The following WWOX variants were observed in gnomAD, a reference collection of about 807,000 sequenced individuals.
WWOX encodes the protein WW domain-containing oxidoreductase.
A neutral mutation model predicts 46.2 loss-of-function variants in WWOX; 69 were observed. That is an observed-to-expected ratio of 1.49 (90% confidence interval 1.23 to 1.82). The LOEUF (loss-of-function observed/expected upper bound fraction) is 1.82. Among genes scored for constraint, WWOX ranks in the 40% most tolerant of loss-of-function variants. The pLI is 0.00. For synonymous variants in WWOX, 359 were observed against 202.6 expected (o/e 1.77, Z -6.56); for missense variants, 919 against 542.6 (o/e 1.69, Z -6.89).
At chr16:78,975,039 G>C (rs1386485597) in intron 8 of WWOX, among the ~76,000 whole-genome samples, 1 of 152,144 alleles carries the variant, frequency 6.6e-6, no homozygotes, top group Non-Finnish European at 1.5e-5. Flanking sequence ...GATGTGAAAA[G>C]GCCTTCACTA....
At chr16:78,676,898 A>T (rs2047612396) in intron 8 of WWOX, among the ~76,000 whole-genome samples, 1 of 152,164 alleles carries the variant, frequency 6.6e-6, no homozygotes, top group South Asian at 2.1e-4. Context: ...TACATTATTG[A>T]TAAGTTAATT....
chr16:78,322,153 A>C (rs1055338437), intron 5 of WWOX, among the ~76,000 whole-genome samples: 47 of 151,996 alleles, frequency 3.1e-4, no homozygotes, highest in African/African-American at 1.1e-3. Context: ...TGCCAGGGGG[A>C]TGGTTGGTGG....
intron 8 of WWOX, among the ~76,000 whole-genome samples, chr16:79,118,865 A>C (rs1053222455): frequency 6.6e-6 from 1 of 152,186 alleles, no homozygotes; most frequent in African/African-American, 2.4e-5. Flanking sequence ...TGCAATTCTT[A>C]GTGGTTGTGA....
intron 8 of WWOX, among the ~76,000 whole-genome samples, chr16:78,583,765 A>T (rs1383841119): frequency 2.0e-5 from 3 of 152,192 alleles, no homozygotes; most frequent in African/African-American, 7.2e-5. Flanking sequence ...TGACATGGAA[A>T]ATCAGGAGCC....
chr16:78,531,669 C>T (rs1201601186), intron 8 of WWOX, among the ~76,000 whole-genome samples: 3 of 151,888 alleles, frequency 2.0e-5, no homozygotes, highest in Admixed American at 6.6e-5. Flanking sequence ...ATGGTGAAAC[C>T]CTGTCTCTAC....
chr16:78,848,112 T>G (rs1374593181), intron 8 of WWOX, among the ~76,000 whole-genome samples: 1 of 152,086 alleles, frequency 6.6e-6, no homozygotes, highest in Non-Finnish European at 1.5e-5. Context: ...CACAGCCCAT[T>G]CGCGGACTCA....
intron 8 of WWOX, among the ~76,000 whole-genome samples, chr16:78,836,507 A>G (rs1026890783): frequency 6.6e-6 from 1 of 152,110 alleles, no homozygotes; most frequent in Non-Finnish European, 1.5e-5. Flanking sequence ...ATTTTCAGAC[A>G]CTTCTGCCCC....
At chr16:78,890,454 C>T (rs1038705677) in intron 8 of WWOX, 1 of 151,692 alleles carries the variant, frequency 6.6e-6, no homozygotes, top group African/African-American at 2.4e-5. Flanking sequence ...GACTGTTCCC[C>T]CAGCCCCAGT....
chr16:79,036,335 C>T (rs2047865884), intron 8 of WWOX, among the ~76,000 whole-genome samples: 1 of 152,238 alleles, frequency 6.6e-6, no homozygotes, highest in African/African-American at 2.4e-5. Flanking sequence ...ACTCATCACT[C>T]TTCCTGCATT....
intron 8 of WWOX, among the ~76,000 whole-genome samples, chr16:78,521,386 G>C (rs1303145632): frequency 6.6e-6 from 1 of 152,066 alleles, no homozygotes; most frequent in Admixed American, 6.6e-5. Flanking sequence ...GGGTGTGTGG[G>C]TGGGTGGTGA....
chr16:79,201,381 G>A (rs1378965656), intron 8 of WWOX, among the ~76,000 whole-genome samples: 1 of 149,858 alleles, frequency 6.7e-6, no homozygotes, highest in African/African-American at 2.5e-5. Context: ...AACTTACAGG[G>A]AATAAGATCT....
chr16:78,801,378 C>G (rs1310961341), intron 8 of WWOX, among the ~76,000 whole-genome samples: 1 of 152,066 alleles, frequency 6.6e-6, no homozygotes, highest in South Asian at 2.1e-4. Context: ...GGTGTGGTGG[C>G]ATGTGCTATA....
Position 78,816,359 on chromosome 16 carries a change from A to G in WWOX, c.1056+383607A>G, listed in dbSNP as rs192139340. Among the ~76,000 whole-genome samples, 16 of 152,276 alleles carry G rather than the reference A, an allele frequency of 1.1e-4. No individual in the cohort carries two copies. The East Asian group carries it at 3.1e-3, about 29-fold the overall frequency. ...GGACTCCAGATGTAACCTCATTGAT[A>G]GTCTTGGTGTGTTCTTCAGTATTTG... On this transcript the variant is annotated intron_variant, in intron 8 of 8. Coordinates refer to ENST00000566780, the MANE Select transcript of WWOX (RefSeq NM_016373.4).
intron 8 of WWOX, among the ~76,000 whole-genome samples, chr16:78,748,655 C>A (rs1029204797): frequency 1.3e-5 from 2 of 152,180 alleles, no homozygotes; most frequent in Non-Finnish European, 2.9e-5. Context: ...TAGGAATCAA[C>A]AAGGGAGATT....
In WWOX at chr16:79,180,722, CCTGT is replaced by C. The variant is rs200624242; in HGVS notation, c.1057-30883_1057-30880del. On this transcript the variant is annotated intron_variant, in intron 8 of 8. Coordinates refer to ENST00000566780, the MANE Select transcript of WWOX (RefSeq NM_016373.4). ...CATTTCTTCATTCCTTTCTTGTCTC[CCTGT>C]CTATCTGTCTGTGTATATCTATTCA... Among the ~76,000 whole-genome samples, 1,210 of 151,990 alleles carry C rather than the reference CCTGT, an allele frequency of 8.0e-3. 7 individuals are homozygous for C. Among genetic ancestry groups the C allele is most frequent in the Admixed American group, 0.011 (170 of 15,270 alleles).
chr16:78,725,788 C>T (rs572339339), intron 8 of WWOX, among the ~76,000 whole-genome samples: 8 of 152,116 alleles, frequency 5.3e-5, no homozygotes, highest in East Asian at 3.9e-4. Flanking sequence ...CTACTCCATG[C>T]CTTTGTCTTA....
chr16:78,560,742 G>C (rs1000361738), intron 8 of WWOX, among the ~76,000 whole-genome samples: 2 of 152,080 alleles, frequency 1.3e-5, no homozygotes, highest in Non-Finnish European at 2.9e-5. Flanking sequence ...AGCAGCTATG[G>C]TGATTGAGTT....
At chr16:78,767,504 G>GTA (rs2049952462) in intron 8 of WWOX, among the ~76,000 whole-genome samples, 1 of 151,688 alleles carries the variant, frequency 6.6e-6, no homozygotes, top group Non-Finnish European at 1.5e-5. Context: ...GTGTGTGTGT[G>GTA]TGTGTTTGAA....
intron 8 of WWOX, among the ~76,000 whole-genome samples, chr16:78,678,962 G>T (rs540274017): frequency 1.3e-5 from 2 of 152,278 alleles, no homozygotes; most frequent in East Asian, 1.9e-4. Flanking sequence ...CATCAGTTCA[G>T]CCTGGCCCTA....
Sources: allele counts gnomAD v4.1 joint callset (sites outside exome capture counted in the v4.1 genomes callset), GRCh38; gene constraint gnomAD v4.1.1; transcripts MANE v1.5; gene names NCBI Gene and HGNC (gene_info 2026-07-23, HGNC 2026-07-21).